MMRN1: variants seen among roughly 807,000 people sequenced by gnomAD.
The protein encoded by MMRN1 is multimerin 1, also known as multimerin-1.
MMRN1 carries 94 observed loss-of-function variants against 100.7 expected under a neutral mutation model. The observed-to-expected ratio is 0.93, with a 90% CI of 0.79 to 1.11. The LOEUF (loss-of-function observed/expected upper bound fraction) is 1.11, where lower values mean the gene tolerates loss of function less well. MMRN1 is among the 50% of genes least tolerant of loss of function. The probability of loss-of-function intolerance (pLI) is 0.00; values close to 1 mark genes in which losing one functional copy is unlikely to be tolerated. For synonymous variants in MMRN1, 575 were observed against 505.0 expected, an observed-to-expected ratio of 1.14 and a Z score of -1.86; for missense variants, 1,606 against 1,439.1, an observed-to-expected ratio of 1.12 and a Z score of -1.88.
chr4:89,895,332 G>A lies in MMRN1; in HGVS notation c.361G>A (p.Ala121Thr), dbSNP rs1047372866. 5.0e-6 allele frequency: 8 copies of A among 1,613,722 alleles called. No individual in the cohort carries two copies. The highest frequency in any genetic ancestry group is 1.3e-5 in the African/African-American group (1 of 74,866). Residue 121 changes from alanine to threonine, a missense_variant, in exon 1 of 8, where the codon GCT becomes ACT. Physicochemically the swap from Ala to Thr is moderately conservative, Grantham distance 58. Transcript: ENST00000264790. ...KLQNLTLPTN[A>T]SIKFNPGAES... ...ACAGAATCTTACCCTCCCAACCAAC[G>A]CTAGCATCAAGTTCAATCCTGGAGC...
In MMRN1 at chr4:89,909,364, TG is replaced by T; in HGVS notation, c.713del (p.Cys238LeufsTer45). On this transcript the variant is annotated frameshift_variant, in exon 2 of 8. Coordinates refer to ENST00000264790, the MANE Select transcript of MMRN1 (RefSeq NM_007351.3). LOFTEE classifies it high-confidence loss of function. ...VTYVPGGKGPCGWTGGSCPQR... is the reference protein window; with the variant it reads ...VTYVPGGKGPXGWTGGSCPQR... ...TTATGTCCCAGGTGGGAAAGGACCT[TG>T]TGGCTGGACCGGTGGATCCTGTCCT... 7.5e-6 allele frequency: 12 copies of T among 1,610,040 alleles called. No individual in the cohort carries two copies. The highest frequency in any genetic ancestry group is 9.3e-6 in the Non-Finnish European group (11 of 1,177,484).
intron 4 of MMRN1, among the ~76,000 whole-genome samples, chr4:89,923,833 T>G (rs1722164913): frequency 6.6e-6 from 1 of 152,200 alleles, no homozygotes; most frequent in African/African-American, 2.4e-5. Flanking sequence ...TAAGGTTGGT[T>G]ACTGCTAAAA....
rs966757756 is a variant in MMRN1 at position 89,912,932 on chromosome 4, A to G, written c.850+882A>G. Among the ~76,000 whole-genome samples, 10 of 151,316 alleles carry G rather than the reference A, an allele frequency of 6.6e-5. No homozygotes were observed. In the South Asian group the frequency reaches 8.3e-4, roughly 13 times the overall value. ...TGAGAATCTACAGGCAAATTTCACCATAATGCTATTTGTTCTGGGTCTGGC... is the reference window on the plus strand; with the variant it reads ...TGAGAATCTACAGGCAAATTTCACCGTAATGCTATTTGTTCTGGGTCTGGC... On this transcript the variant is annotated intron_variant, in intron 3 of 7. Transcript: ENST00000264790.
rs1438210463 is a variant in MMRN1, at chr4:89,895,122, A to G, written c.151A>G (p.Ser51Gly). ...SASVPPNKIQ[S>G]LQILPTTRVM... ...TTCAGTTCCTCCAAATAAAATACAA[A>G]GTTTGCAAATACTGCCAACCACTCG... The change falls in exon 1 of 8, where the codon AGT (serine) becomes GGT (glycine). Residue 51 changes from serine to glycine, a missense_variant. Coordinates refer to ENST00000264790, the MANE Select transcript of MMRN1 (RefSeq NM_007351.3). 1.2e-6 allele frequency: 2 copies of G among 1,613,754 alleles called. No homozygotes were observed. Among genetic ancestry groups the G allele is most frequent in the Admixed American group, 1.7e-5 (1 of 59,958 alleles).
At chr4:89,920,976 A>G (rs1274378358) in intron 3 of MMRN1, among the ~76,000 whole-genome samples, 1 of 152,138 alleles carries the variant, frequency 6.6e-6, no homozygotes, top group East Asian at 1.9e-4. Context: ...TCAGTATTCT[A>G]ATGGGATGTA....
intron 7 of MMRN1, 84 bp downstream of exon 7, chr4:89,951,835 T>TTC: frequency 6.9e-7 from 1 of 1,453,750 alleles, no homozygotes; most frequent in Non-Finnish European, 9.4e-7. Flanking sequence ...AATGAATATT[T>TTC]AAGCCTGCTT....
chr4:89,903,791 G>A (rs1422599040), intron 1 of MMRN1, among the ~76,000 whole-genome samples: 3 of 150,724 alleles, frequency 2.0e-5, no homozygotes, highest in East Asian at 2.0e-4. Flanking sequence ...CTCCAGCGAC[G>A]AACTATGTTA....
upstream of MMRN1, among the ~76,000 whole-genome samples, chr4:89,891,914 G>T (rs1721064143): frequency 6.6e-6 from 1 of 151,932 alleles, no homozygotes; most frequent in Non-Finnish European, 1.5e-5. Flanking sequence ...CAAAGAATAA[G>T]TCTTGCAGCT....
chr4:89,927,678 C>A (rs1290665197), intron 4 of MMRN1, 117 bp from the exon 5 acceptor site: 1 of 854,978 alleles, frequency 1.2e-6, no homozygotes, highest in Non-Finnish European at 1.8e-6. Flanking sequence ...AAGTGAGCAT[C>A]TTTGTTGTGC....
intron 1 of MMRN1, among the ~76,000 whole-genome samples, chr4:89,899,715 T>C (rs1338973783): frequency 6.6e-6 from 1 of 152,096 alleles, no homozygotes. Flanking sequence ...GCTAGTTCCA[T>C]AACTAGAAAC....
At chr4:89,891,423 C>T (rs1721051328), upstream of MMRN1, among the ~76,000 whole-genome samples, 1 of 152,064 alleles carries the variant, frequency 6.6e-6, no homozygotes, top group Non-Finnish European at 1.5e-5. Context: ...CAGGATTGGG[C>T]ATAAATATCT....
intron 3 of MMRN1, among the ~76,000 whole-genome samples, chr4:89,922,007 T>G (rs1321959774): frequency 6.6e-6 from 1 of 152,226 alleles, no homozygotes; most frequent in Admixed American, 6.5e-5. Context: ...ATGCAGACTT[T>G]AATGGATAAA....
intron 5 of MMRN1, among the ~76,000 whole-genome samples, chr4:89,928,482 G>A (rs1722336525): frequency 6.6e-6 from 1 of 152,078 alleles, no homozygotes; most frequent in Non-Finnish European, 1.5e-5. Context: ...TTATATATGT[G>A]AATAGGCTTT....
chr4:89,934,724 G>A (rs143031861), intron 5 of MMRN1, 86 bp from the exon 6 acceptor site: 1 of 721,290 alleles, frequency 1.4e-6, no homozygotes, highest in Non-Finnish European at 2.1e-6. Context: ...TGTTATTAAT[G>A]TTTAATTTCA....
At chr4:89,910,674 C>A (rs1398683589) in intron 2 of MMRN1, among the ~76,000 whole-genome samples, 2 of 151,342 alleles carry the variant, frequency 1.3e-5, no homozygotes, top group Non-Finnish European at 1.5e-5. Flanking sequence ...TTAGCTTTAA[C>A]TATGAGAGTG....
At chr4:89,885,666 G>A (rs1720919609) in intron 1 of MMRN1, among the ~76,000 whole-genome samples, 1 of 152,032 alleles carries the variant, frequency 6.6e-6, no homozygotes, top group South Asian at 2.1e-4. Flanking sequence ...TAAGTTGCCA[G>A]ATATATTGGC....
chr4:89,912,893 A>G (rs749391643), intron 3 of MMRN1, among the ~76,000 whole-genome samples: 29 of 151,300 alleles, frequency 1.9e-4, no homozygotes, highest in Middle Eastern at 3.2e-3. Context: ...TTATGGTTTT[A>G]CTAGCCTATA....
chr4:89,945,257 T>G (rs145363799), intron 6 of MMRN1, among the ~76,000 whole-genome samples: 40 of 152,302 alleles, frequency 2.6e-4, no homozygotes, highest in African/African-American at 7.0e-4. Flanking sequence ...GAAGGATCTT[T>G]TTTTGGTTGT....
At chr4:89,913,258 C>T (rs1177969853) in intron 3 of MMRN1, among the ~76,000 whole-genome samples, 1 of 151,248 alleles carries the variant, frequency 6.6e-6, no homozygotes, top group Admixed American at 6.6e-5. Context: ...TATTTCTCTT[C>T]TTCTACAAAG....
Sources: gnomAD v4.1 joint callset for allele counts (sites outside exome capture counted in the v4.1 genomes callset) on GRCh38, gnomAD v4.1.1 for gene constraint, MANE v1.5 for transcripts, NCBI Gene and HGNC (gene_info 2026-07-23, HGNC 2026-07-21) for gene names.